CTTNBP2: variants seen among roughly 807,000 people sequenced by gnomAD.
CTTNBP2 encodes cortactin-binding protein 2.
Under a neutral mutation model 156.9 loss-of-function variants are expected in CTTNBP2, and 108 were observed. That is an observed-to-expected ratio of 0.69 (90% CI 0.59 to 0.81). CTTNBP2 has a LOEUF of 0.81. Among genes scored for constraint, CTTNBP2 ranks in the 30% least tolerant of loss-of-function variants. The probability of loss-of-function intolerance (pLI) is 0.00; values close to 1 mark genes in which losing one functional copy is unlikely to be tolerated. For synonymous variants in CTTNBP2, 767 were observed against 751.8 expected (o/e 1.02, Z -0.33); for missense variants, 1,924 against 2,035.4 (o/e 0.95, Z 1.05).
At chr7:117,761,094 G>A (rs1213149039) in intron 9 of CTTNBP2, among the ~76,000 whole-genome samples, 2 of 152,174 alleles carry the variant, frequency 1.3e-5, no homozygotes, top group Non-Finnish European at 2.9e-5. Context: ...GCAGGTTATA[G>A]TTGGACAGGT....
rs138829985 is a variant in CTTNBP2 at position 117,833,980 on chromosome 7, T to C, written c.190-22991A>G. 5.7e-3 allele frequency among the ~76,000 whole-genome samples: 875 copies of C among 152,242 alleles called. 15 individuals are homozygous for C. Among genetic ancestry groups the C allele is most frequent in the African/African-American group, 0.02 (837 of 41,568 alleles). ...CACAGTCCTTTAAAAAATATATACA[T>C]AGACAGACAACATCTTAATGGTGGC... On this transcript the variant is annotated intron_variant, in intron 2 of 22. Coordinates refer to ENST00000160373, the MANE Select transcript of CTTNBP2 (RefSeq NM_033427.3).
chr7:117,833,516 G>C (rs1180463075), intron 2 of CTTNBP2, among the ~76,000 whole-genome samples: 2 of 152,196 alleles, frequency 1.3e-5, no homozygotes, highest in Non-Finnish European at 2.9e-5. Flanking sequence ...TGTATGTACA[G>C]CTGGTGAGCT....
intron 2 of CTTNBP2, among the ~76,000 whole-genome samples, chr7:117,830,006 C>A (rs950039020): frequency 1.3e-5 from 2 of 152,150 alleles, no homozygotes; most frequent in Non-Finnish European, 2.9e-5. Context: ...AGCCTGGCAT[C>A]CATAGAAACA....
At chr7:117,781,061 C>T (rs544169279) in intron 6 of CTTNBP2, among the ~76,000 whole-genome samples, 2 of 152,316 alleles carry the variant, frequency 1.3e-5, no homozygotes, top group South Asian at 4.1e-4. Context: ...CTATAAAAGG[C>T]AGCAGAAAGG....
At chr7:117,755,471 TCA>T (rs139450447) in intron 12 of CTTNBP2, 7,828 of 424,498 alleles carry the variant, frequency 0.018, 528 homozygotes, top group African/African-American at 0.15. Flanking sequence ...AGTATTAGTT[TCA>T]GATTGATCTC....
chr7:117,830,956 C>G (rs555884638), intron 2 of CTTNBP2, among the ~76,000 whole-genome samples: 9 of 152,200 alleles, frequency 5.9e-5, no homozygotes, highest in Middle Eastern at 3.4e-3. Context: ...AATGTTTTCA[C>G]ATGTAAGTTT....
At chr7:117,765,442 G>A (rs1295311610) in intron 9 of CTTNBP2, among the ~76,000 whole-genome samples, 1 of 152,132 alleles carries the variant, frequency 6.6e-6, no homozygotes, top group Non-Finnish European at 1.5e-5. Context: ...AGCAGACTGA[G>A]GTGAGAGAAG....
chr7:117,849,196 C>T (rs1440620424), intron 2 of CTTNBP2, among the ~76,000 whole-genome samples: 7 of 152,200 alleles, frequency 4.6e-5, no homozygotes, highest in Non-Finnish European at 4.4e-5. Context: ...TAATCAGCAT[C>T]AGCGATTTCA....
chr7:117,818,134 C>T (rs1338580294), intron 2 of CTTNBP2, among the ~76,000 whole-genome samples: 1 of 152,168 alleles, frequency 6.6e-6, no homozygotes, highest in African/African-American at 2.4e-5. Flanking sequence ...ATTTGTACTT[C>T]CATTATTACT....
intron 16 of CTTNBP2, among the ~76,000 whole-genome samples, chr7:117,734,386 C>T (rs1184033992): frequency 2.0e-5 from 3 of 152,090 alleles, no homozygotes; most frequent in African/African-American, 4.8e-5. Flanking sequence ...ATGATGTATT[C>T]GATTTGGTCA....
intron 12 of CTTNBP2, among the ~76,000 whole-genome samples, chr7:117,753,204 T>A (rs1796709204): frequency 6.6e-6 from 1 of 152,084 alleles, no homozygotes; most frequent in Non-Finnish European, 1.5e-5. Context: ...CACAATGAGA[T>A]ACCATCTCAC....
chr7:117,872,800 T>C (rs1804708418), intron 1 of CTTNBP2, among the ~76,000 whole-genome samples: 1 of 151,956 alleles, frequency 6.6e-6, no homozygotes, highest in Non-Finnish European at 1.5e-5. Flanking sequence ...CCTCTCCCAG[T>C]GGGCCTCCCG....
At chr7:117,788,474 C>T (rs1563007006) in intron 4 of CTTNBP2, among the ~76,000 whole-genome samples, 2 of 152,118 alleles carry the variant, frequency 1.3e-5, no homozygotes, top group African/African-American at 2.4e-5. Context: ...TGGGCAATCA[C>T]AATGGAATCA....
chr7:117,808,571 C>T (rs1800082538), intron 3 of CTTNBP2, among the ~76,000 whole-genome samples: 1 of 152,148 alleles, frequency 6.6e-6, no homozygotes. Flanking sequence ...AGCGCTCAGG[C>T]CAAGTGTCTT....
chr7:117,740,461 C>T (rs1388955110), intron 14 of CTTNBP2, among the ~76,000 whole-genome samples: 1 of 152,154 alleles, frequency 6.6e-6, no homozygotes, highest in Non-Finnish European at 1.5e-5. Flanking sequence ...TCACCCCATT[C>T]AACCCACATA....
intron 2 of CTTNBP2, among the ~76,000 whole-genome samples, chr7:117,850,739 C>T (rs1802884383): frequency 6.6e-6 from 1 of 152,066 alleles, no homozygotes; most frequent in South Asian, 2.1e-4. Flanking sequence ...AGAAAAATAC[C>T]ATATCAGTCA....
rs1799308602 is a variant in CTTNBP2 at position 117,796,248 on chromosome 7, C to T, written c.415-3467G>A. On this transcript the variant is annotated intron_variant, in intron 3 of 22. Coordinates refer to ENST00000160373, the MANE Select transcript of CTTNBP2 (RefSeq NM_033427.3). ...ACTCACTCCGTCAGTTATTATGTTG[C>T]TCTTTTTAAAATATTAAACACCTTT... 2.6e-5 allele frequency among the ~76,000 whole-genome samples: 4 copies of T among 152,168 alleles called. No individual in the cohort carries two copies. In the South Asian group the frequency reaches 6.2e-4, roughly 24 times the overall value.
intron 3 of CTTNBP2, among the ~76,000 whole-genome samples, chr7:117,807,910 G>A (rs555730903): frequency 9.8e-5 from 15 of 152,290 alleles, no homozygotes; most frequent in African/African-American, 3.6e-4. Flanking sequence ...CTATAAACCA[G>A]ACAACAAATG....
At chr7:117,812,668 A>G (rs1344746540) in intron 2 of CTTNBP2, among the ~76,000 whole-genome samples, 1 of 152,210 alleles carries the variant, frequency 6.6e-6, no homozygotes, top group African/African-American at 2.4e-5. Context: ...TTTAAATTCA[A>G]TCATGTAATC....
Sources: gnomAD v4.1 joint callset for allele counts (sites outside exome capture counted in the v4.1 genomes callset) on GRCh38, gnomAD v4.1.1 for gene constraint, MANE v1.5 for transcripts, NCBI Gene and HGNC (gene_info 2026-07-23, HGNC 2026-07-21) for gene names.